The following CACNG2 variants were observed in gnomAD, a reference collection of about 807,000 sequenced individuals.
CACNG2 encodes the protein calcium voltage-gated channel auxiliary subunit gamma 2, also known as voltage-dependent calcium channel gamma-2 subunit.
Under a neutral mutation model 25.9 loss-of-function variants are expected in CACNG2, and 3 were observed. The observed-to-expected ratio is 0.12, with a 90% CI of 0.05 to 0.30. The LOEUF (loss-of-function observed/expected upper bound fraction) is 0.30, where lower values mean the gene tolerates loss of function less well. CACNG2 is among the 10% of genes least tolerant of loss of function. The probability of loss-of-function intolerance (pLI) is 1.00; values close to 1 mark genes in which losing one functional copy is unlikely to be tolerated. For synonymous variants in CACNG2, 167 were observed against 173.3 expected, an observed-to-expected ratio of 0.96 and a Z score of 0.29; for missense variants, 341 against 432.5, an observed-to-expected ratio of 0.79 and a Z score of 1.88.
chr22:36,603,921 G>C (rs541015504), intron 1 of CACNG2, among the ~76,000 whole-genome samples: 1 of 152,256 alleles, frequency 6.6e-6, no homozygotes, highest in East Asian at 1.9e-4. Flanking sequence ...AAGTAATTTT[G>C]ACTTGGAAGT....
intron 1 of CACNG2, among the ~76,000 whole-genome samples, chr22:36,607,835 C>T (rs765325325): frequency 5.9e-5 from 9 of 152,222 alleles, no homozygotes; most frequent in Non-Finnish European, 8.8e-5. Flanking sequence ...AGCTCTGACT[C>T]TGCCATCATG....
intron 1 of CACNG2, among the ~76,000 whole-genome samples, chr22:36,596,994 C>A (rs572877526): frequency 6.6e-6 from 1 of 151,894 alleles, no homozygotes; most frequent in African/African-American, 2.4e-5. Flanking sequence ...TCAAGCGATC[C>A]GCCCTCCTCA....
chr22:36,565,760 G>A (rs1345881565), intron 3 of CACNG2, among the ~76,000 whole-genome samples: 1 of 152,196 alleles, frequency 6.6e-6, no homozygotes, highest in Non-Finnish European at 1.5e-5. Flanking sequence ...AAAGTGCTGG[G>A]ATTGCAGGCG....
chr22:36,649,052 A>G (rs9622441), intron 1 of CACNG2, among the ~76,000 whole-genome samples: 21,751 of 152,236 alleles, frequency 0.14, 4,209 homozygotes, highest in African/African-American at 0.44. Flanking sequence ...GCCTCAGCAA[A>G]TTGGCTTTTG....
At chr22:36,618,906 C>A (rs891488293) in intron 1 of CACNG2, among the ~76,000 whole-genome samples, 2 of 73,916 alleles carry the variant, frequency 2.7e-5, no homozygotes, top group Admixed American at 1.6e-4. Flanking sequence ...GGCGACAGAG[C>A]GAGACTGTTT....
chr22:36,626,173 G>A (rs1409326324), intron 1 of CACNG2, among the ~76,000 whole-genome samples: 1 of 152,188 alleles, frequency 6.6e-6, no homozygotes, highest in Non-Finnish European at 1.5e-5. Flanking sequence ...ACGCGCCTGG[G>A]CCTCCCAAAG....
At position 36,563,630 on chromosome 22, in the gene CACNG2, GGAGGCCTAC is replaced by G. The variant is rs1465381471; in HGVS notation, c.*712_*720del. On this transcript the variant is annotated 3_prime_UTR_variant, in exon 4 of 4. Transcript: ENST00000300105. Reference sequence around the variant, plus strand: ...AGGAGGGACAAGGGCTCGGTCACCTGGAGGCCTACGATTGCCCCATCAATGCTGGGCGGA... The same window carrying G: ...AGGAGGGACAAGGGCTCGGTCACCTGGATTGCCCCATCAATGCTGGGCGGA... Among the ~76,000 whole-genome samples the G allele has an allele frequency of 6.6e-6, 1 of 152,046 alleles. No homozygotes were observed.
At chr22:36,610,398 T>C (rs1223532398) in intron 1 of CACNG2, among the ~76,000 whole-genome samples, 1 of 151,632 alleles carries the variant, frequency 6.6e-6, no homozygotes, top group African/African-American at 2.4e-5. Flanking sequence ...CAGAGCGTGA[T>C]TGGGAGGAAT....
intron 1 of CACNG2, among the ~76,000 whole-genome samples, chr22:36,594,742 G>A (rs1376709511): frequency 6.9e-6 from 1 of 144,296 alleles, no homozygotes; most frequent in Admixed American, 6.9e-5. Flanking sequence ...TGTGTGCATG[G>A]GTGTGTGTGC....
Position 36,564,774 on chromosome 22 carries a change from C to A in CACNG2, c.549G>T (p.Gly183=), listed in dbSNP as rs751747375. The A allele has an allele frequency of 8.7e-6, 14 of 1,614,056 alleles. No homozygotes were observed. Among genetic ancestry groups the A allele is most frequent in the Non-Finnish European group, 1.1e-5 (13 of 1,180,038 alleles). ...SYSYGWSFYF[G]ALSFIIAEMV... is the part of the protein sequence containing the mutation. ...TCTCGGCGATGATGAAGGACAGGGCCCCGAAGTAGAAGGACCAGCCGTATG... is the reference window on the plus strand; with the variant it reads ...TCTCGGCGATGATGAAGGACAGGGCACCGAAGTAGAAGGACCAGCCGTATG... The change falls in exon 4 of 4, where the codon GGG becomes GGT. Residue 183 remains glycine, a synonymous_variant. Coordinates refer to ENST00000300105, the MANE Select transcript of CACNG2 (RefSeq NM_006078.5). This position sits in a 1 kb window ranked among gnomAD's most constrained non-coding sequence, Gnocchi z 6.7.
intron 1 of CACNG2, among the ~76,000 whole-genome samples, chr22:36,619,687 ATGATGCTGCCTTTG>A (rs1936077373): frequency 6.6e-6 from 1 of 152,218 alleles, no homozygotes; most frequent in African/African-American, 2.4e-5. Context: ...TTCCTGCCCA[ATGATGCTGCCTTTG>A]TGATGTAAGA....
In CACNG2 at chr22:36,599,215, A is replaced by G. The variant is rs144328798; in HGVS notation, c.212-11667T>C. On this transcript the variant is annotated intron_variant, in intron 1 of 3. Transcript: ENST00000300105. The stretch of plus-strand genomic sequence containing the variant: ...GTACAGCAGTGAAAGTTAGTGAATT[A>G]CAGCTACACAAGTCAACCCAGATGA... Among the ~76,000 whole-genome samples the G allele has an allele frequency of 4.6e-3, 695 of 152,350 alleles. 3 individuals are homozygous for G. The highest frequency in any genetic ancestry group is 7.8e-3 in the Non-Finnish European group (532 of 68,040).
At chr22:36,620,145 C>T (rs1235429299) in intron 1 of CACNG2, among the ~76,000 whole-genome samples, 1 of 152,238 alleles carries the variant, frequency 6.6e-6, no homozygotes. Flanking sequence ...CTAATAGACT[C>T]TAGGAAATCC....
At chr22:36,613,689 T>A (rs945535472) in intron 1 of CACNG2, among the ~76,000 whole-genome samples, 7 of 152,074 alleles carry the variant, frequency 4.6e-5, no homozygotes, top group Non-Finnish European at 8.8e-5. Flanking sequence ...GACCCACAAG[T>A]CTTTATATAC....
chr22:36,607,454 T>C (rs763084004), intron 1 of CACNG2, among the ~76,000 whole-genome samples: 3 of 152,132 alleles, frequency 2.0e-5, no homozygotes, highest in Non-Finnish European at 2.9e-5. Context: ...CAGGGTTTCA[T>C]CACGTTTCCC....
chr22:36,580,204 A>C (rs570495408), intron 2 of CACNG2, among the ~76,000 whole-genome samples: 2 of 152,076 alleles, frequency 1.3e-5, no homozygotes, highest in Non-Finnish European at 2.9e-5. Context: ...GCTGGATTTG[A>C]AGCCCCGAGT....
intron 1 of CACNG2, among the ~76,000 whole-genome samples, chr22:36,601,396 C>T (rs562546508): frequency 5.3e-4 from 80 of 152,192 alleles, no homozygotes; most frequent in Non-Finnish European, 1.0e-3. Flanking sequence ...ACCACAGTTT[C>T]TTTATTCATT....
At chr22:36,640,274 A>T (rs1936423079) in intron 1 of CACNG2, among the ~76,000 whole-genome samples, 1 of 152,260 alleles carries the variant, frequency 6.6e-6, no homozygotes, top group Non-Finnish European at 1.5e-5. Context: ...CTGTGTCCAC[A>T]GAAAAGCCTG....
chr22:36,627,314 G>GTT (rs1936199613), intron 1 of CACNG2, among the ~76,000 whole-genome samples: 1 of 151,502 alleles, frequency 6.6e-6, no homozygotes, highest in Admixed American at 6.6e-5. Context: ...GTGTGTGTGT[G>GTT]TGTGTGTAGA....
Sources: gnomAD v4.1 joint callset for allele counts (sites outside exome capture counted in the v4.1 genomes callset) on GRCh38, gnomAD v4.1.1 for gene constraint, Gnocchi (gnomAD v3.1) non-coding constraint, MANE v1.5 for transcripts, NCBI Gene and HGNC (gene_info 2026-07-23, HGNC 2026-07-21) for gene names.